Variants in DNAH11 observed in about 807,000 individuals in gnomAD.
The protein encoded by DNAH11 is axonemal beta dynein heavy chain 11.
Under a neutral mutation model 526.0 loss-of-function variants are expected in DNAH11, and 442 were observed. The ratio of observed to expected loss-of-function variants is 0.84; its 90% CI spans 0.78 to 0.91. DNAH11 has a LOEUF of 0.91. Ranked by LOEUF, DNAH11 falls within the 40% of genes least tolerant of loss-of-function variation. DNAH11 has a pLI of 0.00. For synonymous variants in DNAH11, 2,461 were observed against 1,935.9 expected (o/e 1.27, Z -7.12); for missense variants, 6,989 against 5,448.7 (o/e 1.28, Z -8.90).
intron 65 of DNAH11, among the ~76,000 whole-genome samples, chr7:21,835,216 ACTATTC>A: frequency 6.9e-6 from 1 of 144,874 alleles, no homozygotes; most frequent in Admixed American, 6.8e-5. Context: ...TCCTTTTCAG[ACTATTC>A]CAAAAAAAAA....
At chr7:21,772,592 T>G (rs1366993974) in intron 55 of DNAH11, among the ~76,000 whole-genome samples, 1 of 152,184 alleles carries the variant, frequency 6.6e-6, no homozygotes, top group Non-Finnish European at 1.5e-5. Flanking sequence ...CTGAGTTCAC[T>G]GTTTGGAAAT....
rs534779571 is a variant in DNAH11, at chr7:21,728,447, C to T, written c.7440+2463C>T. ...CTAATTTTTGTATTTTTAGTAGAGA[C>T]GGGGTTTCACCATGTTGGCCAGGCT... On this transcript the variant is annotated intron_variant, in intron 45 of 81. Coordinates refer to ENST00000409508, the MANE Select transcript of DNAH11 (RefSeq NM_001277115.2). 5.3e-5 allele frequency among the ~76,000 whole-genome samples: 8 copies of T among 151,590 alleles called. No homozygotes were observed. In the South Asian group the frequency reaches 8.4e-4, roughly 16 times the overall value.
At chr7:21,891,002 G>C (rs1417311642) in intron 76 of DNAH11, among the ~76,000 whole-genome samples, 1 of 152,188 alleles carries the variant, frequency 6.6e-6, no homozygotes, top group Non-Finnish European at 1.5e-5. Context: ...CCTTATTAAG[G>C]ACATAGGCTT....
intron 8 of DNAH11, 50 bp from the exon 9 acceptor site, chr7:21,581,855 C>A (rs747711386): frequency 1.7e-6 from 2 of 1,181,020 alleles, no homozygotes; most frequent in Admixed American, 3.6e-5. Flanking sequence ...TTGCTATTTT[C>A]GCTGTTGGAT....
chr7:21,617,029 C>T (rs979532964), intron 22 of DNAH11, among the ~76,000 whole-genome samples: 4 of 152,290 alleles, frequency 2.6e-5, no homozygotes, highest in Admixed American at 6.5e-5. Flanking sequence ...TTCATTCTTT[C>T]GGATGTCATG....
intron 55 of DNAH11, among the ~76,000 whole-genome samples, chr7:21,766,420 G>A (rs1443164910): frequency 6.6e-6 from 1 of 152,164 alleles, no homozygotes; most frequent in Admixed American, 6.5e-5. Context: ...AAGGTTCCTA[G>A]AATAGGTCAG....
chr7:21,769,614 A>G (rs958629503), intron 55 of DNAH11, among the ~76,000 whole-genome samples: 5 of 151,812 alleles, frequency 3.3e-5, no homozygotes, highest in Non-Finnish European at 5.9e-5. Flanking sequence ...CCTCCTGAGT[A>G]GCTGGGACCA....
intron 31 of DNAH11, among the ~76,000 whole-genome samples, chr7:21,683,176 C>G (rs569636342): frequency 6.6e-5 from 10 of 150,386 alleles, no homozygotes; most frequent in Non-Finnish European, 1.2e-4. Flanking sequence ...AATTAGTATA[C>G]AGTAATTTTG....
chr7:21,687,118 C>G lies in DNAH11; in HGVS notation c.5641C>G (p.Gln1881Glu). 1.9e-6 allele frequency: 3 copies of G among 1,613,100 alleles called. No individual in the cohort carries two copies. The highest frequency in any genetic ancestry group is 2.5e-6 in the Non-Finnish European group (3 of 1,179,584). ...LTDRCYITLT[Q>E]SLHLTMSGAP... ...TTAAAGGTGTTATATTACCTTAACT[C>G]AATCACTTCATCTAACCATGAGTGG... Residue 1881 changes from glutamine (Q) to glutamate (E), a missense_variant, in exon 33 of 82, where the codon CAA becomes GAA. Gln to Glu is a conservative substitution (Grantham distance 29). Transcript: ENST00000409508.
chr7:21,739,516 TG>T (rs1292882286), intron 47 of DNAH11, 54 bp from the exon 48 acceptor site: 1 of 1,337,678 alleles, frequency 7.5e-7, no homozygotes, highest in African/African-American at 1.5e-5. Context: ...TGTTAGATTT[TG>T]CTCTTTTGTC....
intron 63 of DNAH11, among the ~76,000 whole-genome samples, chr7:21,810,771 GA>G (rs1346001697): frequency 6.6e-6 from 1 of 152,068 alleles, no homozygotes; most frequent in Non-Finnish European, 1.5e-5. Context: ...AGGAGGTGAG[GA>G]AAGTCAAGCA....
At chr7:21,809,747 G>A (rs1789426643) in intron 63 of DNAH11, among the ~76,000 whole-genome samples, 1 of 151,584 alleles carries the variant, frequency 6.6e-6, no homozygotes, top group Admixed American at 6.6e-5. Flanking sequence ...TGTATTTTTA[G>A]TAGAGATAGG....
intron 61 of DNAH11, among the ~76,000 whole-genome samples, chr7:21,800,103 A>C (rs552501549): frequency 1.3e-5 from 2 of 152,348 alleles, no homozygotes; most frequent in East Asian, 3.9e-4. Flanking sequence ...GGAAACAAGA[A>C]GCTGCCATGA....
At chr7:21,554,865 C>G (rs1755109528) in intron 2 of DNAH11, among the ~76,000 whole-genome samples, 1 of 152,154 alleles carries the variant, frequency 6.6e-6, no homozygotes, top group Non-Finnish European at 1.5e-5. Context: ...CTCAATATCC[C>G]TCTTACACTG....
At chr7:21,688,266 G>T (rs1476843470) in intron 34 of DNAH11, among the ~76,000 whole-genome samples, 1 of 152,080 alleles carries the variant, frequency 6.6e-6, no homozygotes, top group Non-Finnish European at 1.5e-5. Flanking sequence ...TCTATAAAAT[G>T]GGGGAAAGAA....
intron 60 of DNAH11, among the ~76,000 whole-genome samples, chr7:21,788,105 G>T (rs544294072): frequency 6.6e-6 from 1 of 152,256 alleles, no homozygotes; most frequent in South Asian, 2.1e-4. Context: ...ATACTTTCAT[G>T]TAGTCATTTA....
Position 21,591,219 on chromosome 7 carries a change from A to T in DNAH11, c.2309A>T (p.Tyr770Phe). The change falls in exon 14 of 82, where the codon TAT becomes TTT. Residue 770 changes from tyrosine (Y) to phenylalanine (F), a missense_variant. Coordinates refer to ENST00000409508, the MANE Select transcript of DNAH11 (RefSeq NM_001277115.2). ...AATCTTGACCTTCTTGTGCAAGGGT[A>T]TAATAAACTCAAACAGACGCTCCTG... ...IGNLDLLVQG[Y>F]NKLKQTLLEV... The T allele has an allele frequency of 2.5e-6, 4 of 1,572,132 alleles. No homozygotes were observed. Among genetic ancestry groups the T allele is most frequent in the Non-Finnish European group, 3.4e-6 (4 of 1,161,326 alleles).
At chr7:21,841,331 C>G (rs1193930175) in intron 65 of DNAH11, among the ~76,000 whole-genome samples, 1 of 152,054 alleles carries the variant, frequency 6.6e-6, no homozygotes, top group Non-Finnish European at 1.5e-5. Flanking sequence ...TAAACACATA[C>G]ATACACATCT....
chr7:21,841,902 T>G (rs1782217544), intron 65 of DNAH11, among the ~76,000 whole-genome samples: 1 of 152,184 alleles, frequency 6.6e-6, no homozygotes. Context: ...TGCTTAAGAT[T>G]TTCTGCTTTG....
Sources: allele counts gnomAD v4.1 joint callset (sites outside exome capture counted in the v4.1 genomes callset), GRCh38; gene constraint gnomAD v4.1.1; transcripts MANE v1.5; gene names NCBI Gene and HGNC (gene_info 2026-07-23, HGNC 2026-07-21).